The following SIDT2 variants were observed in gnomAD, a reference collection of about 807,000 sequenced individuals.
SIDT2 encodes SID1 transmembrane family, member 2.
A neutral mutation model predicts 114.4 loss-of-function variants in SIDT2; 68 were observed. The ratio of observed to expected loss-of-function variants is 0.59; its 90% CI spans 0.49 to 0.73. The LOEUF (loss-of-function observed/expected upper bound fraction) is 0.73, where lower values mean the gene tolerates loss of function less well. Among genes scored for constraint, SIDT2 ranks in the 30% least tolerant of loss-of-function variants. The probability of loss-of-function intolerance (pLI) is 0.00; values close to 1 mark genes in which losing one functional copy is unlikely to be tolerated. For missense variants in SIDT2, 918 were observed against 1,097.1 expected (o/e 0.84, Z 2.31); for synonymous variants, 470 against 438.4 (o/e 1.07, Z -0.90).
chr11:117,193,222 C>T lies in SIDT2; in HGVS notation c.2175C>T (p.Asn725=), dbSNP rs775722458. 1 of 1,614,090 alleles carries T rather than the reference C, an allele frequency of 6.2e-7. No individual in the cohort carries two copies. ...ACTTGTTGGCCATTGGCATCTGCAACCTGCTCCTTTACTTCGCCTTCTACA... is the reference window on the plus strand; with the variant it reads ...ACTTGTTGGCCATTGGCATCTGCAATCTGCTCCTTTACTTCGCCTTCTACA... The part of the protein sequence containing the change: ...ASYLLAIGIC[N]LLLYFAFYII... The change falls in exon 23 of 26, where the codon AAC becomes AAT. Residue 725 remains asparagine, a synonymous_variant. Transcript: ENST00000324225.
chr11:117,188,943 G>T lies in SIDT2; in HGVS notation c.1278+117G>T, dbSNP rs1316221400. On this transcript the variant is annotated intron_variant, in intron 13 of 25. Transcript: ENST00000324225. The surrounding 1 kb of genome is among the most constrained non-coding windows in gnomAD (Gnocchi z 4.0). ...TAGGGAAGCAGAAGGAAGGGGCTCA[G>T]CTGGGGCAGGGCAGATGCCGGGGAA... 8 of 1,138,094 alleles carry T rather than the reference G, an allele frequency of 7.0e-6. No individual in the cohort carries two copies. The highest frequency in any genetic ancestry group is 1.1e-5 in the Non-Finnish European group (8 of 754,846). The allele number at this position is 1,138,094 out of a possible 1,614,324, so 70.5% of individuals were successfully genotyped here.
rs1178983296 is a variant in SIDT2, at chr11:117,193,338, C to A, written c.2211+80C>A. The A allele has an allele frequency of 3.2e-6, 4 of 1,232,142 alleles. No individual in the cohort carries two copies. In the African/African-American group the frequency reaches 4.5e-5, roughly 14 times the overall value. 76.3% of individuals were successfully genotyped at this position (1,232,142 alleles called of 1,614,324 possible). ...AGATGGGCCCGGCAGCATTGAGGGGCAGTGAGAAGTTTTCTGTCCCATCTT... is the reference window on the plus strand; with the variant it reads ...AGATGGGCCCGGCAGCATTGAGGGGAAGTGAGAAGTTTTCTGTCCCATCTT... On this transcript the variant is annotated intron_variant, in intron 23 of 25. Transcript: ENST00000324225.
intron 9 of SIDT2, 22 bp from the exon 10 acceptor site, chr11:117,186,561 GC>G: frequency 6.5e-7 from 1 of 1,542,328 alleles, no homozygotes; most frequent in Non-Finnish European, 8.7e-7. Context: ...CATCTGGGTG[GC>G]CTGTGGGTTC....
intron 24 of SIDT2, 180 bp downstream of exon 24, chr11:117,194,143 AT>A: frequency 1.9e-6 from 1 of 531,180 alleles, no homozygotes; most frequent in Non-Finnish European, 3.3e-6. Flanking sequence ...TCTACAAAAA[AT>A]AAAAAAATAA....
At position 117,195,879 on chromosome 11, in the gene SIDT2, C is replaced by T; in HGVS notation, c.2400C>T (p.His800=). Residue 800 remains histidine, a synonymous_variant, in exon 25 of 26, where the codon CAC becomes CAT. Transcript: ENST00000324225. ...LDFFDDHDIW[H]FLSSIAMFGS... ...TCTTTGACGACCACGACATCTGGCA[C>T]TTCCTCTCCTCCATCGCCATGTTCG... 6.2e-7 allele frequency: 1 copy of T among 1,614,254 alleles called. No individual in the cohort carries two copies. Among genetic ancestry groups the T allele is most frequent in the Non-Finnish European group, 8.5e-7 (1 of 1,180,048 alleles).
intron 24 of SIDT2, among the ~76,000 whole-genome samples, chr11:117,194,381 ATCC>A (rs1456259708): frequency 1.3e-5 from 2 of 152,158 alleles, no homozygotes; most frequent in Non-Finnish European, 2.9e-5. Context: ...TCCCCAGTTA[ATCC>A]TCCTAGCATT....
At chr11:117,185,157 C>G (rs972920816) in intron 8 of SIDT2, among the ~76,000 whole-genome samples, 33 of 151,726 alleles carry the variant, frequency 2.2e-4, no homozygotes, top group African/African-American at 7.3e-4. Context: ...TCACGCCATT[C>G]TCCTGCCTCA....
chr11:117,193,701 C>T (rs1453506630), intron 23 of SIDT2, 152 bp from the exon 24 acceptor site: 3 of 612,528 alleles, frequency 4.9e-6, no homozygotes, highest in African/African-American at 3.7e-5. Flanking sequence ...GCAGGTTGAG[C>T]TCTGTGGTTG....
intron 4 of SIDT2, 94 bp from the exon 5 acceptor site, chr11:117,182,425 C>G: frequency 8.8e-7 from 1 of 1,141,946 alleles, no homozygotes; most frequent in Non-Finnish European, 1.3e-6. Context: ...TCAGAGGATT[C>G]TGGGTCCTCG....
rs1386280198 is a variant in SIDT2 at position 117,190,611 on chromosome 11, T to G, written c.1618-12T>G. The G allele has an allele frequency of 6.4e-7, 1 of 1,561,530 alleles. No individual in the cohort carries two copies. The highest frequency in any genetic ancestry group is 2.3e-5 in the East Asian group (1 of 42,920). On this transcript the variant is annotated splice_polypyrimidine_tract_variant and intron_variant, in intron 17 of 25. Transcript: ENST00000324225. The surrounding 1 kb of genome is among the most constrained non-coding windows in gnomAD (Gnocchi z 4.1). The stretch of plus-strand genomic sequence containing the variant: ...CTTCCTCCCTCCCTTCCCTTCTCTC[T>G]CTCCCCAACAGGAATGTGGGATCCC...
Position 117,178,985 on chromosome 11 carries a change from A to C in SIDT2, c.-279A>C, listed in dbSNP as rs926034499. 7 of 449,354 alleles carry C rather than the reference A, an allele frequency of 1.6e-5. No homozygotes were observed. Among genetic ancestry groups the C allele is most frequent in the Non-Finnish European group, 2.0e-5 (5 of 249,710 alleles). The allele number at this position is 449,354 out of a possible 1,614,324, so 27.8% of individuals were successfully genotyped here. ...CCCTGGCCCGGGGCTCCAGGGTCTC[A>C]GGTCGTACTCAGCCCCTCGCGAGCT... On this transcript the variant is annotated 5_prime_UTR_variant, in exon 1 of 26. Coordinates refer to ENST00000324225, the MANE Select transcript of SIDT2 (RefSeq NM_001040455.2).
Position 117,189,953 on chromosome 11 carries a change from T to A in SIDT2, c.1421T>A (p.Val474Glu). The A allele has an allele frequency of 6.2e-7, 1 of 1,614,056 alleles. No individual in the cohort carries two copies. The highest frequency in any genetic ancestry group is 8.5e-7 in the Non-Finnish European group (1 of 1,179,954). The change falls in exon 16 of 26, where the codon GTG (valine) becomes GAG (glutamate). Residue 474 changes from valine (V) to glutamate (E), a missense_variant and splice_region_variant. Val to Glu is a moderately radical substitution (Grantham distance 121). Transcript: ENST00000324225. ...VVQLVITYQT[V>E]VNVTGNQDIC... is the part of the protein sequence containing the mutation. ...TCCCTGTCCCTGCTCCTGCTACAGG[T>A]GGTGAATGTCACAGGGAATCAGGAC... is the stretch of plus-strand genomic sequence containing the variant.
intron 15 of SIDT2, 135 bp from the exon 16 acceptor site, chr11:117,189,817 C>T: frequency 1.3e-6 from 1 of 744,418 alleles, no homozygotes. Context: ...GGAACACGTG[C>T]CTGCGGTGCT....
rs1195473378 is a variant in SIDT2, at chr11:117,182,518, G to A, written c.517-1G>A. 1 of 1,613,498 alleles carries A rather than the reference G, an allele frequency of 6.2e-7. No homozygotes were observed. The highest frequency in any genetic ancestry group is 8.5e-7 in the Non-Finnish European group (1 of 1,179,382). ...CTCTCCCTTCCTTCCTGCACCCTCA[G>A]TACTTCAAGTATGAGTTCCCTGAAG... On this transcript the variant is annotated splice_acceptor_variant, in intron 4 of 25. Transcript: ENST00000324225. LOFTEE classifies it high-confidence loss of function.
intron 23 of SIDT2, among the ~76,000 whole-genome samples, chr11:117,193,638 G>C (rs1190246252): frequency 6.6e-6 from 1 of 152,142 alleles, no homozygotes; most frequent in Non-Finnish European, 1.5e-5. Context: ...GCACTGTCCC[G>C]ACACAGGGTT....
Position 117,179,404 on chromosome 11 carries a change from G to C in SIDT2, c.141G>C (p.Leu47=), listed in dbSNP as rs150074663. Residue 47 remains leucine, a synonymous_variant, in exon 1 of 26, where the codon CTG becomes CTC. Transcript: ENST00000324225. ...ACGTGGACGAGGTCAACAGCGAGCTGGTCAACATCTACACCTTCAACCATA... is the reference window on the plus strand; with the variant it reads ...ACGTGGACGAGGTCAACAGCGAGCTCGTCAACATCTACACCTTCAACCATA... ...RTYVDEVNSE[L]VNIYTFNHTV... is the part of the protein sequence containing the mutation. 339 of 1,613,708 alleles carry C rather than the reference G, an allele frequency of 2.1e-4. 2 individuals carry two copies. The East Asian group carries it at 6.0e-3, about 29-fold the overall frequency.
At chr11:117,189,424 C>T in intron 15 of SIDT2, 23 bp downstream of exon 15, 1 of 1,611,952 alleles carries the variant, frequency 6.2e-7, no homozygotes, top group East Asian at 2.2e-5. Context: ...GGCAGGTTCA[C>T]CTTTCCGACA....
At position 117,196,749 on chromosome 11, in the gene SIDT2, C is replaced by T. The variant is rs61905526; in HGVS notation, c.*683C>T. On this transcript the variant is annotated 3_prime_UTR_variant, in exon 26 of 26. Transcript: ENST00000324225. This position sits in a 1 kb window ranked among gnomAD's most constrained non-coding sequence, Gnocchi z 4.9. ...CAATGCGCTCAGCCCAATTTGAGAACCGCCTTCTGATTCAAGAGGCTGAAT... is the reference window on the plus strand; with the variant it reads ...CAATGCGCTCAGCCCAATTTGAGAATCGCCTTCTGATTCAAGAGGCTGAAT... 0.029 allele frequency: 4,479 copies of T among 153,078 alleles called. 93 individuals carry two copies. The highest frequency in any genetic ancestry group is 0.036 in the Non-Finnish European group (2,440 of 68,318). 9.5% of individuals were successfully genotyped at this position (153,078 alleles called of 1,614,324 possible). A position where few individuals can be genotyped will look rare whatever the true frequency, so the allele number is the denominator to read the frequency against.
intron 1 of SIDT2, among the ~76,000 whole-genome samples, chr11:117,180,832 C>G (rs1426978335): frequency 3.3e-5 from 5 of 152,208 alleles, no homozygotes; most frequent in Non-Finnish European, 5.9e-5. Context: ...ACCCGGCTGT[C>G]ATTTTATAGA....
Sources: gnomAD v4.1 joint callset for allele counts (sites outside exome capture counted in the v4.1 genomes callset) on GRCh38, gnomAD v4.1.1 for gene constraint, Gnocchi (gnomAD v3.1) non-coding constraint, MANE v1.5 for transcripts, NCBI Gene and HGNC (gene_info 2026-07-23, HGNC 2026-07-21) for gene names.